Variants in KIF24 observed in about 807,000 individuals in gnomAD.
KIF24 encodes the protein kinesin-like protein KIF24.
In KIF24, 81 loss-of-function variants were observed where a neutral mutation model predicts 118.9. The ratio of observed to expected loss-of-function variants is 0.68; its 90% CI spans 0.57 to 0.82. The LOEUF is 0.82. Among genes scored for constraint, KIF24 ranks in the 40% least tolerant of loss-of-function variants. The pLI, the probability that KIF24 is intolerant of heterozygous loss-of-function variation, is 0.00. For missense variants in KIF24, 1,560 were observed against 1,661.6 expected, an observed-to-expected ratio of 0.94 and a Z score of 1.06; for synonymous variants, 599 against 610.0, an observed-to-expected ratio of 0.98 and a Z score of 0.27.
At chr9:34,307,884 A>C (rs573834096) in intron 2 of KIF24, among the ~76,000 whole-genome samples, 111 of 152,092 alleles carry the variant, frequency 7.3e-4, no homozygotes, top group African/African-American at 2.6e-3. Flanking sequence ...AAAAAAGAAA[A>C]AAGAAAAAGA....
chr9:34,280,399 G>GTCT (rs758984282), intron 6 of KIF24, among the ~76,000 whole-genome samples: 1 of 151,298 alleles, frequency 6.6e-6, no homozygotes, highest in Non-Finnish European at 1.5e-5. Context: ...GCAATGAAGA[G>GTCT]TCTTCTTCTG....
intron 3 of KIF24, among the ~76,000 whole-genome samples, chr9:34,305,943 C>T (rs1836897989): frequency 6.6e-6 from 1 of 150,876 alleles, no homozygotes; most frequent in South Asian, 2.1e-4. Context: ...TCCTTCATTC[C>T]TCCTTTTTTT....
intron 6 of KIF24, among the ~76,000 whole-genome samples, chr9:34,280,949 C>T (rs1835828897): frequency 6.6e-6 from 1 of 152,126 alleles, no homozygotes; most frequent in South Asian, 2.1e-4. Flanking sequence ...TTAAACAGTC[C>T]TTTAAACACC....
chr9:34,275,955 G>T (rs1835645018), intron 6 of KIF24, among the ~76,000 whole-genome samples: 1 of 152,172 alleles, frequency 6.6e-6, no homozygotes, highest in African/African-American at 2.4e-5. Context: ...AACATCTCCA[G>T]TTGAGGAACA....
chr9:34,255,764 T>C lies in KIF24; in HGVS notation c.3843A>G (p.Thr1281=). 6.2e-7 allele frequency: 1 copy of C among 1,613,208 alleles called. No homozygotes were observed. The highest frequency in any genetic ancestry group is 8.5e-7 in the Non-Finnish European group (1 of 1,179,500). Residue 1281 remains threonine (T), a synonymous_variant, in exon 11 of 13, where the codon ACA becomes ACG. Transcript: ENST00000402558. ...CTTGCTCCAGGGTGGGCTGACGGAG[T>C]GTCCCTGCAGTCTTGGGAGAGCAGC... The part of the protein sequence containing the change: ...VPSCSPKTAG[T]LRQPTLEQAQ...
At chr9:34,263,456 C>T (rs1205862460) in intron 8 of KIF24, among the ~76,000 whole-genome samples, 1 of 152,122 alleles carries the variant, frequency 6.6e-6, no homozygotes, top group African/African-American at 2.4e-5. Context: ...CTGGGACCTA[C>T]CCTCAAGTCC....
chr9:34,261,973 G>A (rs916912257), intron 9 of KIF24, among the ~76,000 whole-genome samples: 11 of 151,862 alleles, frequency 7.2e-5, no homozygotes, highest in African/African-American at 1.4e-4. Context: ...TCTTTTTGTC[G>A]CCCAGGCTGG....
In KIF24 at chr9:34,256,602, T is replaced by C. The variant is rs771632827; in HGVS notation, c.3005A>G (p.Asp1002Gly). Residue 1002 changes from aspartate to glycine, a missense_variant, in exon 11 of 13, where the codon GAC becomes GGC. Physicochemically the swap from Asp to Gly is moderately conservative, Grantham distance 94. Transcript: ENST00000402558. Reference sequence around the variant, plus strand: ...TTCTCTCAGAGGTGTGGTGACTGTGTCTCTTTGGTCTGGGGATCCAGGAAC... The same window carrying C: ...TTCTCTCAGAGGTGTGGTGACTGTGCCTCTTTGGTCTGGGGATCCAGGAAC... ...VAVPGSPDQR[D>G]TVTTPLREVS... 2.5e-6 allele frequency: 4 copies of C among 1,613,846 alleles called. No homozygotes were observed. The East Asian group carries it at 6.7e-5, about 27-fold the overall frequency.
chr9:34,306,687 A>G (rs1221664460), intron 2 of KIF24, among the ~76,000 whole-genome samples: 1 of 152,110 alleles, frequency 6.6e-6, no homozygotes, highest in Non-Finnish European at 1.5e-5. Flanking sequence ...CTGTAATCCC[A>G]GCTACTTGGG....
rs754510690 is a variant in KIF24 at position 34,256,045 on chromosome 9, G to T, written c.3562C>A (p.Pro1188Thr). 8.1e-6 allele frequency: 13 copies of T among 1,613,818 alleles called. No individual in the cohort carries two copies. Among genetic ancestry groups the T allele is most frequent in the Admixed American group, 3.3e-5 (2 of 60,000 alleles). The change falls in exon 11 of 13, where the codon CCA becomes ACA. Residue 1188 changes from proline (P) to threonine (T), a missense_variant. Physicochemically the swap from Pro to Thr is conservative, Grantham distance 38. Around this residue, in one of 3 missense-constraint regions of KIF24, gnomAD observed 591 missense variants for 655.6 expected, o/e 0.90. Coordinates refer to ENST00000402558, the MANE Select transcript of KIF24 (RefSeq NM_194313.4). ...TGTATGGTGGTGAAGGGCTTTCCTG[G>T]GAAACCCCAGGAGCCATCCAGCCCC... ...ETGLDGSWGF[P>T]GKPFTTIHMG...
rs148330049 is a variant in KIF24, at chr9:34,290,243, A to T, written c.1058T>A (p.Leu353His). The T allele has an allele frequency of 1.2e-6, 2 of 1,613,954 alleles. No homozygotes were observed. Among genetic ancestry groups the T allele is most frequent in the Non-Finnish European group, 8.5e-7 (1 of 1,179,860 alleles). Residue 353 changes from leucine to histidine, a missense_variant, in exon 5 of 13, where the codon CTC (leucine) becomes CAC (histidine). By Grantham distance (99) the Leu-to-His change is moderately conservative. Transcript: ENST00000402558. ...QLEVSQPRKH[L>H]FVWISFYEIY... ...TTCATAGAAGCTGATCCACACAAAG[A>T]GGTGCTTTCTTGGCTGGGACACTTC...
At chr9:34,292,838 G>A (rs1836307257) in intron 4 of KIF24, among the ~76,000 whole-genome samples, 1 of 152,164 alleles carries the variant, frequency 6.6e-6, no homozygotes, top group South Asian at 2.1e-4. Flanking sequence ...AGATCCAGCA[G>A]AGCAAGAGGA....
In KIF24 at chr9:34,322,262, C is replaced by T. The variant is rs575539837; in HGVS notation, c.-26+6844G>A. On this transcript the variant is annotated intron_variant, in intron 1 of 12. Coordinates refer to ENST00000402558, the MANE Select transcript of KIF24 (RefSeq NM_194313.4). ...CCCCATGGTCCTGCCTGCTCCTAGT[C>T]CCTTTATAGCAACCAACTTTATTCA... 4.6e-5 allele frequency among the ~76,000 whole-genome samples: 7 copies of T among 152,220 alleles called. No homozygotes were observed. In the South Asian group the frequency reaches 1.5e-3, roughly 32 times the overall value.
intron 1 of KIF24, among the ~76,000 whole-genome samples, chr9:34,325,116 T>G (rs746779623): frequency 3.9e-5 from 6 of 152,036 alleles, no homozygotes; most frequent in African/African-American, 1.4e-4. Flanking sequence ...GGCAGAAAGA[T>G]CACTTGAGCC....
In KIF24 at chr9:34,257,214, C is replaced by A. The variant is rs1352230971; in HGVS notation, c.2393G>T (p.Gly798Val). 6.2e-7 allele frequency: 1 copy of A among 1,614,034 alleles called. No homozygotes were observed. ...RSLRQYRPPE[G>V]QLTNETPPLF... ...AGGCGGAGTCTCATTCGTGAGCTGA[C>A]CCTCTGGGGGCCTGTACTGGCGTAA... Residue 798 changes from glycine to valine, a missense_variant, in exon 11 of 13, where the codon GGT (glycine) becomes GTT (valine). Around this residue, in one of 3 missense-constraint regions of KIF24, gnomAD observed 964 missense variants for 988.0 expected, o/e 0.98. Transcript: ENST00000402558.
Position 34,329,130 on chromosome 9 carries a change from C to G in KIF24, c.-50G>C, listed in dbSNP as rs993867058. ...CCTCGGTCCAAACTCCTCGGTCTGCCCTGTCTGAGAAGAGGAGAAGACAAT... is the reference window on the plus strand; with the variant it reads ...CCTCGGTCCAAACTCCTCGGTCTGCGCTGTCTGAGAAGAGGAGAAGACAAT... On this transcript the variant is annotated 5_prime_UTR_variant, in exon 1 of 13. Transcript: ENST00000402558. 2.0e-5 allele frequency among the ~76,000 whole-genome samples: 3 copies of G among 152,338 alleles called. No individual in the cohort carries two copies. Among genetic ancestry groups the G allele is most frequent in the African/African-American group, 2.4e-5 (1 of 41,570 alleles).
chr9:34,290,340 A>G lies in KIF24; in HGVS notation c.961T>C (p.Tyr321His), dbSNP rs1297566788. Reference protein sequence around the residue: ...AYGQTGAGKTYTMIGTHENPG... With the variant: ...AYGQTGAGKTHTMIGTHENPG... ...TTCTCATGAGTTCCTATCATGGTGT[A>G]GGTCTTTCCAGCACCTGTCTGTCCA... The change falls in exon 5 of 13, where the codon TAC becomes CAC. Residue 321 changes from tyrosine to histidine, a missense_variant. Tyr to His is a moderately conservative substitution (Grantham distance 83). Transcript: ENST00000402558. 1.9e-5 allele frequency: 31 copies of G among 1,613,750 alleles called. No individual in the cohort carries two copies. The highest frequency in any genetic ancestry group is 2.5e-5 in the Non-Finnish European group (29 of 1,179,782).
At position 34,256,404 on chromosome 9, in the gene KIF24, G is replaced by T; in HGVS notation, c.3203C>A (p.Ser1068Ter). The T allele has an allele frequency of 6.2e-7, 1 of 1,613,916 alleles. No individual in the cohort carries two copies. The change falls in exon 11 of 13, where the codon TCG becomes TAG. Residue 1068 changes from serine (S) to a stop codon, truncating the protein, a stop_gained. Coordinates refer to ENST00000402558, the MANE Select transcript of KIF24 (RefSeq NM_194313.4). LOFTEE classifies it high-confidence loss of function. ...AGCCCCATCCTGGACCAGCTGCTCC[G>T]AGGGAGGAGACCCTTCGTTGTCTGG... is the stretch of plus-strand genomic sequence containing the variant. ...ENPDNEGSPPSEQLVQDGATH... is the reference protein window; with the variant it reads ...ENPDNEGSPP
At chr9:34,268,696 C>CA (rs1372405387) in intron 8 of KIF24, among the ~76,000 whole-genome samples, 1 of 151,904 alleles carries the variant, frequency 6.6e-6, no homozygotes, top group East Asian at 1.9e-4. Context: ...TTAATAGAGA[C>CA]AGAGTTTCAC....
Sources: allele counts gnomAD v4.1 joint callset (sites outside exome capture counted in the v4.1 genomes callset), GRCh38; gene constraint gnomAD v4.1.1; regional missense constraint gnomAD v4.1.1; transcripts MANE v1.5; gene names NCBI Gene and HGNC (gene_info 2026-07-23, HGNC 2026-07-21).